The following NELL1 variants were observed in gnomAD, a reference collection of about 807,000 sequenced individuals.
The protein encoded by NELL1 is protein kinase C-binding protein NELL1.
A neutral mutation model predicts 107.4 loss-of-function variants in NELL1; 76 were observed. That is an observed-to-expected ratio of 0.71 (90% CI 0.59 to 0.86). The LOEUF (loss-of-function observed/expected upper bound fraction) is 0.86. Ranked by LOEUF, NELL1 falls within the 40% of genes least tolerant of loss-of-function variation. NELL1 has a pLI of 0.00. For missense variants in NELL1, 1,024 were observed against 1,005.5 expected, an observed-to-expected ratio of 1.02 and a Z score of -0.25; for synonymous variants, 353 against 341.2, an observed-to-expected ratio of 1.03 and a Z score of -0.38.
intron 14 of NELL1, among the ~76,000 whole-genome samples, chr11:21,288,634 T>C (rs1849182107): frequency 6.6e-6 from 1 of 152,232 alleles, no homozygotes; most frequent in South Asian, 2.1e-4. Context: ...GCAATAAAGG[T>C]AAATGTGTAC....
At chr11:21,157,834 T>A (rs759727166) in intron 13 of NELL1, among the ~76,000 whole-genome samples, 1 of 152,188 alleles carries the variant, frequency 6.6e-6, no homozygotes, top group Admixed American at 6.5e-5. Context: ...CCATACAGCA[T>A]AGTTGTAAAG....
At chr11:21,368,689 T>C (rs1038631577) in intron 14 of NELL1, among the ~76,000 whole-genome samples, 1 of 152,048 alleles carries the variant, frequency 6.6e-6, no homozygotes, top group African/African-American at 2.4e-5. Flanking sequence ...AAGGTATGTC[T>C]TAAGCCCATC....
chr11:20,841,155 CTGCTCCA>C (rs1848615421), intron 3 of NELL1, among the ~76,000 whole-genome samples: 2 of 152,140 alleles, frequency 1.3e-5, no homozygotes, highest in African/African-American at 4.8e-5. Flanking sequence ...AAAGGTATCT[CTGCTCCA>C]TGAAGTCATT....
At chr11:21,277,669 A>C (rs955617655) in intron 14 of NELL1, among the ~76,000 whole-genome samples, 2 of 152,222 alleles carry the variant, frequency 1.3e-5, no homozygotes, top group African/African-American at 2.4e-5. Context: ...TCAGTGATAG[A>C]CTGGATTAAG....
chr11:21,339,566 A>C (rs1280609954), intron 14 of NELL1, among the ~76,000 whole-genome samples: 2 of 152,168 alleles, frequency 1.3e-5, no homozygotes, highest in African/African-American at 2.4e-5. Context: ...GCCAATACTG[A>C]TAATTATGTT....
intron 14 of NELL1, chr11:21,260,079 C>G (rs758171526): frequency 6.6e-6 from 1 of 151,886 alleles, no homozygotes; most frequent in South Asian, 2.1e-4. Flanking sequence ...GGAAACCAAA[C>G]GGAAAACCTG....
rs144625503 is a variant in NELL1 at position 20,680,568 on chromosome 11, T to C, written c.184+2508T>C. ...CGGGACAGGCATAAGATACCAGTTA[T>C]AGATATTTCTGTTCCAAAGGAAGGA... On this transcript the variant is annotated intron_variant, in intron 2 of 19. Transcript: ENST00000357134. Among the ~76,000 whole-genome samples, 4 of 152,210 alleles carry C rather than the reference T, an allele frequency of 2.6e-5. No homozygotes were observed. The East Asian group carries it at 5.8e-4, about 22-fold the overall frequency.
chr11:20,879,441 C>T (rs567405928), intron 4 of NELL1, among the ~76,000 whole-genome samples: 1 of 152,240 alleles, frequency 6.6e-6, no homozygotes, highest in South Asian at 2.1e-4. Flanking sequence ...TTCATTTTCC[C>T]AGAAACATTC....
At chr11:21,434,713 AT>A (rs893112366) in intron 15 of NELL1, among the ~76,000 whole-genome samples, 2 of 151,614 alleles carry the variant, frequency 1.3e-5, no homozygotes, top group Non-Finnish European at 2.9e-5. Context: ...GAATTTTAAG[AT>A]TTTTTTTCTG....
intron 2 of NELL1, among the ~76,000 whole-genome samples, chr11:20,682,121 A>G (rs1431751184): frequency 1.3e-5 from 2 of 152,034 alleles, no homozygotes; most frequent in African/African-American, 2.4e-5. Context: ...CCATTATTCT[A>G]TCATAGAATG....
chr11:21,305,656 A>C (rs921994877), intron 14 of NELL1, among the ~76,000 whole-genome samples: 2 of 151,820 alleles, frequency 1.3e-5, no homozygotes, highest in Non-Finnish European at 2.9e-5. Flanking sequence ...TATAGATTCT[A>C]TATATATGTA....
chr11:20,711,938 CCTAGATCTAGATGT>C (rs1280622129), intron 2 of NELL1, among the ~76,000 whole-genome samples: 2 of 152,166 alleles, frequency 1.3e-5, no homozygotes, highest in East Asian at 3.9e-4. Flanking sequence ...TAGTAAGATG[CCTAGATCTAGATGT>C]CTAGATCTTT....
At chr11:21,405,008 T>C (rs909977801) in intron 15 of NELL1, among the ~76,000 whole-genome samples, 3 of 152,024 alleles carry the variant, frequency 2.0e-5, no homozygotes, top group Non-Finnish European at 4.4e-5. Context: ...TTCATATCTG[T>C]AATAAAGGCA....
chr11:20,715,088 A>C (rs902464975), intron 2 of NELL1, among the ~76,000 whole-genome samples: 5 of 152,004 alleles, frequency 3.3e-5, no homozygotes, highest in African/African-American at 1.2e-4. Context: ...CTAAAAATAA[A>C]AAAAAAATTA....
chr11:21,272,680 G>A (rs906341645), intron 14 of NELL1, among the ~76,000 whole-genome samples: 4 of 152,150 alleles, frequency 2.6e-5, no homozygotes, highest in Non-Finnish European at 5.9e-5. Context: ...CACCTCACAC[G>A]GCCTGGTACT....
chr11:21,131,619 C>T (rs1855620545), intron 13 of NELL1, among the ~76,000 whole-genome samples: 1 of 152,074 alleles, frequency 6.6e-6, no homozygotes, highest in South Asian at 2.1e-4. Context: ...CTTACTTGTT[C>T]CTTTTTTGTT....
intron 12 of NELL1, among the ~76,000 whole-genome samples, chr11:21,031,050 A>G (rs1440683652): frequency 6.6e-6 from 1 of 152,062 alleles, no homozygotes; most frequent in Non-Finnish European, 1.5e-5. Flanking sequence ...TACCATCTAT[A>G]TTTGAATAAA....
At chr11:21,303,111 T>TATCTATATCTATATCTA (rs1849532501) in intron 14 of NELL1, among the ~76,000 whole-genome samples, 1 of 140,162 alleles carries the variant, frequency 7.1e-6, no homozygotes, top group Non-Finnish European at 1.6e-5. Flanking sequence ...TCTATATCTA[T>TATCTATATCTATATCTA]ATCTATCTTC....
At chr11:20,756,575 A>T (rs1856295324) in intron 2 of NELL1, among the ~76,000 whole-genome samples, 1 of 120,048 alleles carries the variant, frequency 8.3e-6, no homozygotes, top group Non-Finnish European at 1.7e-5. Flanking sequence ...GCTAGCCAGG[A>T]TGGTCTGGAT....
Sources: allele counts gnomAD v4.1 joint callset (sites outside exome capture counted in the v4.1 genomes callset), GRCh38; gene constraint gnomAD v4.1.1; transcripts MANE v1.5; gene names NCBI Gene and HGNC (gene_info 2026-07-23, HGNC 2026-07-21).